SPATA16: variants seen among roughly 807,000 people sequenced by gnomAD.
SPATA16 encodes the protein spermatogenesis-associated protein 16.
Under a neutral mutation model 63.3 loss-of-function variants are expected in SPATA16, and 36 were observed. The ratio of observed to expected loss-of-function variants is 0.57; its 90% CI spans 0.44 to 0.75. The LOEUF is 0.75. SPATA16 is among the 30% of genes least tolerant of loss of function. The pLI is 0.00. For missense variants in SPATA16, 646 were observed against 679.3 expected, an observed-to-expected ratio of 0.95 and a Z score of 0.54; for synonymous variants, 203 against 216.7, an observed-to-expected ratio of 0.94 and a Z score of 0.56.
At chr3:172,890,579 C>A (rs540272243) in intron 10 of SPATA16, among the ~76,000 whole-genome samples, 1 of 152,216 alleles carries the variant, frequency 6.6e-6, no homozygotes, top group East Asian at 1.9e-4. Context: ...AAAGCACTTA[C>A]AACTTCAATT....
At chr3:173,103,546 G>C (rs1000621969) in intron 2 of SPATA16, among the ~76,000 whole-genome samples, 5 of 152,230 alleles carry the variant, frequency 3.3e-5, no homozygotes, top group African/African-American at 1.2e-4. Flanking sequence ...GGCAGCCCAA[G>C]CTGTACCTGA....
At chr3:172,961,012 TTCTTTTTCTCTC>T (rs748535830) in intron 5 of SPATA16, among the ~76,000 whole-genome samples, 23 of 142,324 alleles carry the variant, frequency 1.6e-4, no homozygotes, top group African/African-American at 3.1e-4. Flanking sequence ...CTTTCTTTCT[TTCTTTTTCTCTC>T]TTTCTCTCTT....
intron 8 of SPATA16, among the ~76,000 whole-genome samples, 153 bp downstream of exon 8, chr3:172,924,055 T>C (rs1304359056): frequency 6.6e-6 from 1 of 152,192 alleles, no homozygotes; most frequent in Non-Finnish European, 1.5e-5. Flanking sequence ...ATAAAATCAT[T>C]AGCTAAAATT....
intron 2 of SPATA16, among the ~76,000 whole-genome samples, chr3:173,090,853 G>A (rs967685590): frequency 1.3e-5 from 2 of 152,168 alleles, no homozygotes; most frequent in African/African-American, 4.8e-5. Context: ...CCATGAATGG[G>A]ACCAGAAGAG....
chr3:173,124,727 G>A (rs1350586083), intron 1 of SPATA16, among the ~76,000 whole-genome samples: 1 of 152,036 alleles, frequency 6.6e-6, no homozygotes, highest in Non-Finnish European at 1.5e-5. Context: ...TCTGTTTAAT[G>A]GAACACTTTC....
intron 6 of SPATA16, among the ~76,000 whole-genome samples, chr3:172,955,321 T>C (rs12639510): frequency 0.082 from 12,526 of 152,160 alleles, 715 homozygotes; most frequent in East Asian, 0.15. Flanking sequence ...AATAGCTGAA[T>C]CGAACTCATT....
At chr3:172,937,687 TAA>T (rs1733039586) in intron 6 of SPATA16, among the ~76,000 whole-genome samples, 2 of 152,206 alleles carry the variant, frequency 1.3e-5, no homozygotes, top group Non-Finnish European at 2.9e-5. Flanking sequence ...GGGTAGAGTG[TAA>T]ATATATATAC....
At chr3:173,065,968 G>A (rs1736510684) in intron 2 of SPATA16, among the ~76,000 whole-genome samples, 2 of 152,172 alleles carry the variant, frequency 1.3e-5, no homozygotes, top group South Asian at 4.1e-4. Flanking sequence ...GATCCCAGAG[G>A]CAGTGTACTT....
At chr3:173,102,919 C>A (rs1365529866) in intron 2 of SPATA16, among the ~76,000 whole-genome samples, 1 of 152,138 alleles carries the variant, frequency 6.6e-6, no homozygotes, top group Non-Finnish European at 1.5e-5. Flanking sequence ...TATTTACTCC[C>A]AAGATACAAT....
chr3:172,923,322 G>A (rs949283605), intron 8 of SPATA16, among the ~76,000 whole-genome samples: 15 of 152,174 alleles, frequency 9.9e-5, no homozygotes, highest in African/African-American at 3.1e-4. Flanking sequence ...ACATGGAATC[G>A]CAAATCGTGC....
chr3:173,074,904 A>C (rs551530628), intron 2 of SPATA16, among the ~76,000 whole-genome samples: 2 of 150,404 alleles, frequency 1.3e-5, no homozygotes, highest in East Asian at 4.0e-4. Context: ...AGGCTGAGGC[A>C]GGAGAATCAC....
At chr3:173,107,455 ATTT>A (rs35351688) in intron 2 of SPATA16, among the ~76,000 whole-genome samples, 1 of 143,354 alleles carries the variant, frequency 7.0e-6, no homozygotes, top group African/African-American at 2.5e-5. Flanking sequence ...CTCTCTCTCT[ATTT>A]TTTTTTTTTT....
chr3:172,985,775 T>C (rs2108257499), intron 4 of SPATA16, among the ~76,000 whole-genome samples: 1 of 152,218 alleles, frequency 6.6e-6, no homozygotes, highest in African/African-American at 2.4e-5. Flanking sequence ...GAGGTATTAA[T>C]GCAGAATCTC....
chr3:172,966,885 C>T (rs1733930338), intron 5 of SPATA16, among the ~76,000 whole-genome samples: 1 of 152,092 alleles, frequency 6.6e-6, no homozygotes, highest in Non-Finnish European at 1.5e-5. Flanking sequence ...AAAAAAGTGA[C>T]CTCAATTTCT....
At chr3:172,995,370 A>T (rs1282783528) in intron 4 of SPATA16, among the ~76,000 whole-genome samples, 1 of 152,062 alleles carries the variant, frequency 6.6e-6, no homozygotes, top group African/African-American at 2.4e-5. Flanking sequence ...GGGCTAATAC[A>T]ATTGTAAACA....
At chr3:172,919,183 T>A (rs1366974992) in intron 8 of SPATA16, among the ~76,000 whole-genome samples, 1 of 152,220 alleles carries the variant, frequency 6.6e-6, no homozygotes, top group Non-Finnish European at 1.5e-5. Flanking sequence ...TTATTTTAAC[T>A]CTTTAACATT....
chr3:172,943,696 C>T (rs567646099), intron 6 of SPATA16, among the ~76,000 whole-genome samples: 24 of 152,200 alleles, frequency 1.6e-4, no homozygotes, highest in Non-Finnish European at 2.8e-4. Flanking sequence ...GCCAAGATTG[C>T]GCCATTGCAC....
In SPATA16 at chr3:172,996,319, G is replaced by A. The variant is rs529937607; in HGVS notation, c.849-19267C>T. ...AGTTGCCCAAGGTGGTATCTGCTGG[G>A]TTTCTTCACCATAAGGTTAACAGTT... is the stretch of plus-strand genomic sequence containing the variant. On this transcript the variant is annotated intron_variant, in intron 4 of 10. Coordinates refer to ENST00000351008, the MANE Select transcript of SPATA16 (RefSeq NM_031955.6). Among the ~76,000 whole-genome samples the A allele has an allele frequency of 5.9e-5, 9 of 152,088 alleles. No homozygotes were observed. In the South Asian group the frequency reaches 8.3e-4, roughly 14 times the overall value.
At chr3:172,930,361 G>C (rs1235679053) in intron 6 of SPATA16, among the ~76,000 whole-genome samples, 1 of 152,024 alleles carries the variant, frequency 6.6e-6, no homozygotes, top group Non-Finnish European at 1.5e-5. Flanking sequence ...AACCAGCTCT[G>C]CTGATTTCAC....
Sources: gnomAD v4.1 joint callset for allele counts (sites outside exome capture counted in the v4.1 genomes callset) on GRCh38, gnomAD v4.1.1 for gene constraint, MANE v1.5 for transcripts, NCBI Gene and HGNC (gene_info 2026-07-23, HGNC 2026-07-21) for gene names.